OSBPL6: variants seen among roughly 807,000 people sequenced by gnomAD.
OSBPL6 encodes oxysterol-binding protein-related protein 6.
OSBPL6 carries 49 observed loss-of-function variants against 125.8 expected under a neutral mutation model. The ratio of observed to expected loss-of-function variants is 0.39; its 90% CI spans 0.31 to 0.49. The LOEUF is 0.49. OSBPL6 is among the 20% of genes least tolerant of loss of function. OSBPL6 has a pLI of 0.88. For synonymous variants in OSBPL6, 394 were observed against 391.8 expected, an observed-to-expected ratio of 1.01 and a Z score of -0.07; for missense variants, 986 against 1,135.4, an observed-to-expected ratio of 0.87 and a Z score of 1.89.
chr2:178,213,215 A>T (rs1264189890), intron 1 of OSBPL6, among the ~76,000 whole-genome samples: 1 of 151,798 alleles, frequency 6.6e-6, no homozygotes, highest in Non-Finnish European at 1.5e-5. Context: ...TTCTCACTCC[A>T]TACTGCCTCC....
Position 178,279,736 on chromosome 2 carries a change from A to G in OSBPL6, c.-350-5191A>G, listed in dbSNP as rs1055667663. 2.6e-5 allele frequency among the ~76,000 whole-genome samples: 4 copies of G among 152,190 alleles called. No homozygotes were observed. In the East Asian group the frequency reaches 7.7e-4, roughly 29 times the overall value. On this transcript the variant is annotated intron_variant, in intron 1 of 24. Transcript: ENST00000190611. ...AGAACCAATCTTCCTATCTCTGAGT[A>G]TATTTCTTAACTGGGGTATTTCTTA... is the stretch of plus-strand genomic sequence containing the variant.
At chr2:178,228,342 T>G (rs35713556) in intron 1 of OSBPL6, among the ~76,000 whole-genome samples, 12 of 152,170 alleles carry the variant, frequency 7.9e-5, no homozygotes, top group Admixed American at 2.0e-4. Context: ...GAGACCATCC[T>G]GGCTAACATG....
In OSBPL6 at chr2:178,282,834, G is replaced by C. The variant is rs1187007241; in HGVS notation, c.-350-2093G>C. Among the ~76,000 whole-genome samples, 52 of 152,050 alleles carry C rather than the reference G, an allele frequency of 3.4e-4. 1 individual carries two copies. The highest frequency in any genetic ancestry group is 3.4e-3 in the Admixed American group (52 of 15,262). ...GCCCAGCTAATTTTTTGTATTTTTA[G>C]TAGAGATGGGGTTTCACCATGTTGG... On this transcript the variant is annotated intron_variant, in intron 1 of 24. Coordinates refer to ENST00000190611, the MANE Select transcript of OSBPL6 (RefSeq NM_032523.4).
At chr2:178,295,258 G>C (rs184553861) in intron 2 of OSBPL6, among the ~76,000 whole-genome samples, 107 of 152,264 alleles carry the variant, frequency 7.0e-4, no homozygotes, top group African/African-American at 2.4e-3. Context: ...ATGGGATGCT[G>C]TTTAGTAATC....
At chr2:178,339,154 G>A (rs1574911641) in intron 10 of OSBPL6, 60 bp downstream of exon 10, 2 of 1,051,804 alleles carry the variant, frequency 1.9e-6, no homozygotes, top group East Asian at 2.5e-5. Flanking sequence ...CTCTTTATTG[G>A]GTTGTTCTAT....
At chr2:178,260,959 C>T (rs2092039499) in intron 1 of OSBPL6, among the ~76,000 whole-genome samples, 1 of 152,034 alleles carries the variant, frequency 6.6e-6, no homozygotes, top group Admixed American at 6.5e-5. Context: ...TGGCAAAACT[C>T]CATCTCTATT....
At chr2:178,338,963 C>A in intron 9 of OSBPL6, 28 bp from the exon 10 acceptor site, 2 of 1,539,250 alleles carry the variant, frequency 1.3e-6, no homozygotes, top group Non-Finnish European at 1.8e-6. Flanking sequence ...CCAATTTTAA[C>A]GTATTTTTAT....
chr2:178,294,322 TA>T (rs1685538372), intron 2 of OSBPL6, among the ~76,000 whole-genome samples: 1 of 152,186 alleles, frequency 6.6e-6, no homozygotes, highest in African/African-American at 2.4e-5. Flanking sequence ...TTTTAGAATC[TA>T]AAAAATATTT....
chr2:178,198,510 T>C (rs1169425875), intron 1 of OSBPL6, among the ~76,000 whole-genome samples: 1 of 151,710 alleles, frequency 6.6e-6, no homozygotes, highest in African/African-American at 2.4e-5. Flanking sequence ...TTGGTCAGGC[T>C]GGTCTTGAAC....
intron 1 of OSBPL6, among the ~76,000 whole-genome samples, chr2:178,267,008 A>G (rs1236482506): frequency 6.6e-6 from 1 of 152,134 alleles, no homozygotes; most frequent in African/African-American, 2.4e-5. Context: ...TGGGGAGGAG[A>G]GCCAGAGAGA....
intron 2 of OSBPL6, among the ~76,000 whole-genome samples, chr2:178,296,523 C>T (rs1007386830): frequency 3.3e-5 from 5 of 152,164 alleles, no homozygotes; most frequent in Admixed American, 2.0e-4. Context: ...CACTGGTGTA[C>T]TGGCAAATGT....
At chr2:178,213,259 A>G (rs954213404) in intron 1 of OSBPL6, among the ~76,000 whole-genome samples, 64 of 151,986 alleles carry the variant, frequency 4.2e-4, no homozygotes, top group African/African-American at 1.4e-3. Flanking sequence ...ACTCTCTGCT[A>G]GCAAATTCCA....
chr2:178,238,779 A>G (rs549501735), intron 1 of OSBPL6, among the ~76,000 whole-genome samples: 1 of 152,298 alleles, frequency 6.6e-6, no homozygotes, highest in South Asian at 2.1e-4. Flanking sequence ...GGTTTCAGGT[A>G]CCCACTGGGG....
chr2:178,317,955 T>C (rs1480492863), intron 3 of OSBPL6, among the ~76,000 whole-genome samples: 1 of 152,220 alleles, frequency 6.6e-6, no homozygotes, highest in East Asian at 1.9e-4. Flanking sequence ...CATTTGTTTA[T>C]AATTGCCGTA....
chr2:178,344,291 G>A (rs1690494921), intron 11 of OSBPL6: 2 of 1,613,974 alleles, frequency 1.2e-6, no homozygotes, highest in East Asian at 4.5e-5. Context: ...GTCAGGAAGG[G>A]CCACCCGCGA....
Position 178,384,894 on chromosome 2 carries a change from C to T in OSBPL6, c.2014-564C>T, listed in dbSNP as rs1049780637. On this transcript the variant is annotated intron_variant, in intron 18 of 24. Coordinates refer to ENST00000190611, the MANE Select transcript of OSBPL6 (RefSeq NM_032523.4). The stretch of plus-strand genomic sequence containing the variant: ...AGCCTTTTTAAAAAAAAAAAAAAAT[C>T]TTTGTAGCTATCTTTTTTAGGAATA... 2.6e-5 allele frequency among the ~76,000 whole-genome samples: 4 copies of T among 151,184 alleles called. No homozygotes were observed. In the East Asian group the frequency reaches 7.8e-4, roughly 29 times the overall value.
intron 6 of OSBPL6, among the ~76,000 whole-genome samples, chr2:178,332,229 T>C (rs1222779353): frequency 6.6e-6 from 1 of 152,156 alleles, no homozygotes; most frequent in African/African-American, 2.4e-5. Flanking sequence ...TGCTTTCTGG[T>C]CCCAGCTGCC....
In OSBPL6 at chr2:178,265,191, C is replaced by CTTTTT. The variant is rs376718500; in HGVS notation, c.-350-19702_-350-19698dup. On this transcript the variant is annotated intron_variant, in intron 1 of 24. Transcript: ENST00000190611. ...GTCACTTCCCCTGGCCCAGACGAGA[C>CTTTTT]TTTTTTTTTTTTTTTTTTTTTTTTT... Among the ~76,000 whole-genome samples the CTTTTT allele has an allele frequency of 4.9e-3, 164 of 33,696 alleles. 41 individuals are homozygous for CTTTTT. The highest frequency in any genetic ancestry group is 7.8e-3 in the East Asian group (8 of 1,028). 22.1% of individuals were successfully genotyped at this position (33,696 alleles called of 152,430 possible). A position where few individuals can be genotyped will look rare whatever the true frequency, so the allele number is the denominator to read the frequency against.
Position 178,372,168 on chromosome 2 carries a change from AT to A in OSBPL6, c.1331del (p.Ile444AsnfsTer14). 1 of 1,613,410 alleles carries A rather than the reference AT, an allele frequency of 6.2e-7. No individual in the cohort carries two copies. The highest frequency in any genetic ancestry group is 8.5e-7 in the Non-Finnish European group (1 of 1,179,526). On this transcript the variant is annotated frameshift_variant, in exon 14 of 25. Coordinates refer to ENST00000190611, the MANE Select transcript of OSBPL6 (RefSeq NM_032523.4). LOFTEE classifies it high-confidence loss of function. Reference protein sequence around the residue: ...NAELRSRLNRIHSESIICDQV... With the variant: ...NAELRSRLNRXHSESIICDQV... ...TGAACTAAGGAGTCGGTTGAACAGA[AT>A]ACATTCAGAGTCTATTATTTGTGAT...
Sources: allele counts gnomAD v4.1 joint callset (sites outside exome capture counted in the v4.1 genomes callset), GRCh38; gene constraint gnomAD v4.1.1; transcripts MANE v1.5; gene names NCBI Gene and HGNC (gene_info 2026-07-23, HGNC 2026-07-21).